STK3: variants seen among roughly 807,000 people sequenced by gnomAD.
The protein encoded by STK3 is serine/threonine-protein kinase 3.
STK3 carries 41 observed loss-of-function variants against 58.0 expected under a neutral mutation model. That is an observed-to-expected ratio of 0.71 (90% CI 0.55 to 0.92). The LOEUF is 0.92. STK3 is among the 40% of genes least tolerant of loss of function. The probability of loss-of-function intolerance (pLI) is 0.00; values close to 1 mark genes in which losing one functional copy is unlikely to be tolerated. For synonymous variants in STK3, 170 were observed against 191.0 expected (o/e 0.89, Z 0.91); for missense variants, 479 against 602.7 (o/e 0.79, Z 2.15).
upstream of STK3, among the ~76,000 whole-genome samples, chr8:98,391,947 A>G (rs4236849): frequency 1 from 151,897 of 152,266 alleles, 75,777 homozygotes; most frequent in Middle Eastern, 1. Flanking sequence ...TTTTTATCCC[A>G]GTTACTGAAA....
chr8:98,488,180 T>C (rs771056991), intron 10 of STK3, among the ~76,000 whole-genome samples: 1 of 152,224 alleles, frequency 6.6e-6, no homozygotes, highest in Non-Finnish European at 1.5e-5. Context: ...CTGGGCGACA[T>C]GGCTTTTCCA....
intron 10 of STK3, among the ~76,000 whole-genome samples, chr8:98,517,189 T>C (rs1252810499): frequency 1.3e-5 from 2 of 152,046 alleles, no homozygotes; most frequent in African/African-American, 2.4e-5. Flanking sequence ...CACTCATTTA[T>C]CTCCTTAAGG....
chr8:98,729,720 T>C (rs1828037657), intron 4 of STK3, among the ~76,000 whole-genome samples: 1 of 152,228 alleles, frequency 6.6e-6, no homozygotes, highest in Non-Finnish European at 1.5e-5. Context: ...TTTAAATACA[T>C]GTAATCTTTA....
chr8:98,445,484 G>T (rs1441168980), intron 1 of STK3, among the ~76,000 whole-genome samples: 1 of 151,610 alleles, frequency 6.6e-6, no homozygotes, highest in Admixed American at 6.6e-5. Context: ...AAATATAAAA[G>T]ATTATTGAGA....
intron 6 of STK3, among the ~76,000 whole-genome samples, chr8:98,653,750 C>T (rs956373865): frequency 7.2e-5 from 11 of 152,134 alleles, no homozygotes; most frequent in Admixed American, 7.2e-4. Context: ...GGATAAATTC[C>T]TCGACACATA....
chr8:98,660,991 G>A (rs901562304), intron 6 of STK3, among the ~76,000 whole-genome samples: 6 of 151,216 alleles, frequency 4.0e-5, no homozygotes, highest in African/African-American at 1.5e-4. Flanking sequence ...GAAATGAAAG[G>A]ACACTAGATA....
At chr8:98,651,993 T>C (rs997362517) in intron 6 of STK3, among the ~76,000 whole-genome samples, 9 of 151,906 alleles carry the variant, frequency 5.9e-5, no homozygotes, top group African/African-American at 1.9e-4. Context: ...GCCACAAAGA[T>C]ACTCCTCGAG....
intron 2 of STK3, among the ~76,000 whole-genome samples, chr8:98,377,522 A>G (rs1189573102): frequency 6.6e-6 from 1 of 151,772 alleles, no homozygotes; most frequent in African/African-American, 2.4e-5. Flanking sequence ...CTAATTAAAG[A>G]CAAATATATT....
chr8:98,441,661 T>G (rs773878745), intron 1 of STK3, among the ~76,000 whole-genome samples: 1 of 152,256 alleles, frequency 6.6e-6, no homozygotes, highest in Non-Finnish European at 1.5e-5. Flanking sequence ...ACTTATTTAT[T>G]GAGCATCCAC....
At chr8:98,812,087 G>C (rs920811015) in intron 1 of STK3, among the ~76,000 whole-genome samples, 1 of 152,170 alleles carries the variant, frequency 6.6e-6, no homozygotes, top group Non-Finnish European at 1.5e-5. Flanking sequence ...TGGGATTACA[G>C]GGGTGAGCCA....
chr8:98,455,154 T>G lies in STK3; in HGVS notation c.*688A>C, dbSNP rs908776839. 7 of 152,598 alleles carry G rather than the reference T, an allele frequency of 4.6e-5. No homozygotes were observed. Among genetic ancestry groups the G allele is most frequent in the Non-Finnish European group, 8.8e-5 (6 of 68,028 alleles). The allele number at this position is 152,598 out of a possible 1,614,324, so 9.5% of individuals were successfully genotyped here. On this transcript the variant is annotated 3_prime_UTR_variant, in exon 11 of 11. Transcript: ENST00000419617. ...ATCTATTTTACCTAAATATATATAG[T>G]TCTATTTGTACCAAACATCAAAAAT...
chr8:98,868,363 C>A (rs962706085), intron 3 of STK3, among the ~76,000 whole-genome samples: 10 of 152,220 alleles, frequency 6.6e-5, no homozygotes, highest in Admixed American at 5.9e-4. Flanking sequence ...GCAATTTCAC[C>A]ACCACTTCCC....
In STK3 at chr8:98,379,107, A is replaced by AG. The variant is rs1478769724; in HGVS notation, n.111+45dup. Reference sequence around the variant, plus strand: ...TTCTCACCTAGCTCAGATGGGGGTTAGGGGAAGCATGGTTTGGGTAAGCCA... The same window carrying AG: ...TTCTCACCTAGCTCAGATGGGGGTTAGGGGGAAGCATGGTTTGGGTAAGCCA... On this transcript the variant is annotated intron_variant and non_coding_transcript_variant, in intron 2 of 2. Transcript: ENST00000518704. The AG allele has an allele frequency of 5.9e-5, 9 of 152,020 alleles. No individual in the cohort carries two copies. In the East Asian group the frequency reaches 1.7e-3, roughly 29 times the overall value. 9.4% of individuals were successfully genotyped at this position (152,020 alleles called of 1,614,324 possible).
intron 4 of STK3, among the ~76,000 whole-genome samples, chr8:98,711,719 C>T (rs199882557): frequency 2.0e-5 from 3 of 152,142 alleles, no homozygotes; most frequent in Non-Finnish European, 4.4e-5. Flanking sequence ...CGCAGGATAT[C>T]ATCCAGGAGA....
At chr8:98,592,782 G>T (rs796970544) in intron 7 of STK3, among the ~76,000 whole-genome samples, 14 of 119,926 alleles carry the variant, frequency 1.2e-4, no homozygotes, top group African/African-American at 3.7e-4. Context: ...TATTTATTTT[G>T]AGACAGAGTC....
At chr8:98,661,197 C>T (rs1821939742) in intron 6 of STK3, among the ~76,000 whole-genome samples, 1 of 151,248 alleles carries the variant, frequency 6.6e-6, no homozygotes, top group South Asian at 2.1e-4. Flanking sequence ...TTAAGAAGTA[C>T]GTTTTATATT....
chr8:98,551,074 A>G (rs1246748055), intron 8 of STK3, among the ~76,000 whole-genome samples: 2 of 152,218 alleles, frequency 1.3e-5, no homozygotes, highest in East Asian at 3.9e-4. Flanking sequence ...CCATAACTCC[A>G]TATGATGCTA....
chr8:98,590,805 C>G (rs937503497), intron 7 of STK3, among the ~76,000 whole-genome samples: 1 of 152,198 alleles, frequency 6.6e-6, no homozygotes, highest in African/African-American at 2.4e-5. Context: ...TAGTACTTAA[C>G]TAAATATTAT....
chr8:98,863,962 C>T (rs533640182), intron 3 of STK3, among the ~76,000 whole-genome samples: 2 of 151,820 alleles, frequency 1.3e-5, no homozygotes, highest in South Asian at 4.2e-4. Context: ...TTTGGGAGGC[C>T]GAGGCAGGCA....
Sources: allele counts gnomAD v4.1 joint callset (sites outside exome capture counted in the v4.1 genomes callset), GRCh38; gene constraint gnomAD v4.1.1; transcripts MANE v1.5; gene names NCBI Gene and HGNC (gene_info 2026-07-23, HGNC 2026-07-21).